The following SLC35F4 variants were observed in gnomAD, a reference collection of about 807,000 sequenced individuals.
SLC35F4 encodes chromosome 14 open reading frame 36.
A neutral mutation model predicts 44.2 loss-of-function variants in SLC35F4; 24 were observed. The ratio of observed to expected loss-of-function variants is 0.54; its 90% CI spans 0.39 to 0.76. The LOEUF is 0.76. Among genes scored for constraint, SLC35F4 ranks in the 30% least tolerant of loss-of-function variants. The pLI is 0.00. For missense variants in SLC35F4, 562 were observed against 586.1 expected (o/e 0.96, Z 0.42); for synonymous variants, 238 against 223.6 (o/e 1.06, Z -0.57).
intron 7 of SLC35F4, among the ~76,000 whole-genome samples, chr14:57,564,759 T>C (rs2139650153): frequency 6.6e-6 from 1 of 152,362 alleles, no homozygotes; most frequent in African/African-American, 2.4e-5. Flanking sequence ...GAAATTCATG[T>C]AATATAAAAT....
At chr14:57,647,851 G>A (rs143347736) in intron 1 of SLC35F4, among the ~76,000 whole-genome samples, 382 of 152,102 alleles carry the variant, frequency 2.5e-3, no homozygotes, top group African/African-American at 8.6e-3. Context: ...GATCACCCCG[G>A]CCTGTCCTCA....
intron 1 of SLC35F4, among the ~76,000 whole-genome samples, chr14:57,933,610 C>T (rs1207420729): frequency 6.6e-6 from 1 of 152,184 alleles, no homozygotes; most frequent in East Asian, 1.9e-4. Context: ...CAGAAGAATC[C>T]TTTCAGCTCT....
chr14:57,910,107 G>GT (rs1486531848), intron 1 of SLC35F4, among the ~76,000 whole-genome samples: 1 of 151,946 alleles, frequency 6.6e-6, no homozygotes. Flanking sequence ...CTTTGGTGAG[G>GT]TATCTGTTCA....
chr14:57,956,808 T>A (rs898704366), intron 1 of SLC35F4, among the ~76,000 whole-genome samples: 1 of 152,172 alleles, frequency 6.6e-6, no homozygotes, highest in African/African-American at 2.4e-5. Context: ...CTGGAGAGGA[T>A]GTGGAGAAAT....
intron 1 of SLC35F4, among the ~76,000 whole-genome samples, chr14:57,662,395 A>G (rs2074166650): frequency 1.3e-5 from 2 of 152,148 alleles, no homozygotes; most frequent in South Asian, 4.1e-4. Flanking sequence ...CATTTAAGAA[A>G]TGGGGTCTTT....
At chr14:57,616,073 T>G (rs1703457) in intron 1 of SLC35F4, among the ~76,000 whole-genome samples, 4 of 152,062 alleles carry the variant, frequency 2.6e-5, no homozygotes, top group Admixed American at 2.6e-4. Flanking sequence ...TGTACATAAC[T>G]TAAAATTTAT....
At chr14:57,578,325 G>GTTTGTTTTTTTTTTTTT (rs2068957220) in intron 4 of SLC35F4, among the ~76,000 whole-genome samples, 2 of 43,116 alleles carry the variant, frequency 4.6e-5, no homozygotes, top group African/African-American at 1.6e-4. Flanking sequence ...CCCTTTAACT[G>GTTTGTTTTTTTTTTTTT]TTTTTTTTTT....
At chr14:57,977,495 T>C (rs1053565979) in intron 1 of SLC35F4, among the ~76,000 whole-genome samples, 2 of 152,146 alleles carry the variant, frequency 1.3e-5, no homozygotes, top group Non-Finnish European at 2.9e-5. Flanking sequence ...TGGGAACTGA[T>C]AGAAAGTGAT....
Position 57,579,795 on chromosome 14 carries a change from G to T in SLC35F4, c.807+1419C>A, listed in dbSNP as rs572439263. On this transcript the variant is annotated intron_variant, in intron 4 of 7. Coordinates refer to ENST00000556826, the MANE Select transcript of SLC35F4 (RefSeq NM_001306087.2). ...GGGGATGACTTATGTTGATATATAGGGCCTTGTGCTTGGAAGGTCCCCACC... is the reference window on the plus strand; with the variant it reads ...GGGGATGACTTATGTTGATATATAGTGCCTTGTGCTTGGAAGGTCCCCACC... Among the ~76,000 whole-genome samples, 4 of 152,246 alleles carry T rather than the reference G, an allele frequency of 2.6e-5. No homozygotes were observed. The South Asian group carries it at 8.3e-4, about 32-fold the overall frequency.
At chr14:57,859,704 C>T (rs1467366369) in intron 1 of SLC35F4, among the ~76,000 whole-genome samples, 1 of 151,976 alleles carries the variant, frequency 6.6e-6, no homozygotes, top group Admixed American at 6.6e-5. Flanking sequence ...TGAGGCTGGG[C>T]AAAAGATGCG....
At chr14:57,916,841 C>T (rs1889339072) in intron 1 of SLC35F4, among the ~76,000 whole-genome samples, 1 of 152,124 alleles carries the variant, frequency 6.6e-6, no homozygotes, top group African/African-American at 2.4e-5. Context: ...TATTTTAAAA[C>T]CTTTTTTAAA....
intron 1 of SLC35F4, among the ~76,000 whole-genome samples, chr14:57,958,928 G>C (rs1890293728): frequency 6.6e-6 from 1 of 152,176 alleles, no homozygotes; most frequent in African/African-American, 2.4e-5. Context: ...CCTTCCAAAT[G>C]CTCTGGAGGA....
chr14:57,716,127 C>T (rs533185481), intron 1 of SLC35F4, among the ~76,000 whole-genome samples: 6 of 152,176 alleles, frequency 3.9e-5, no homozygotes, highest in South Asian at 4.2e-4. Context: ...TGTGTGCGTG[C>T]GGGTTTTCAT....
intron 1 of SLC35F4, among the ~76,000 whole-genome samples, chr14:57,709,484 A>G (rs989226714): frequency 1.3e-5 from 2 of 152,124 alleles, no homozygotes; most frequent in African/African-American, 4.8e-5. Context: ...ATGATTAATG[A>G]TATTCATATA....
chr14:57,943,141 G>A (rs781459854), intron 1 of SLC35F4, among the ~76,000 whole-genome samples: 13 of 152,296 alleles, frequency 8.5e-5, no homozygotes, highest in Admixed American at 7.2e-4. Context: ...GATCTGGGCC[G>A]TATTACTGTA....
At chr14:57,899,344 CA>C (rs1183637371) in intron 1 of SLC35F4, among the ~76,000 whole-genome samples, 1 of 152,106 alleles carries the variant, frequency 6.6e-6, no homozygotes, top group Non-Finnish European at 1.5e-5. Context: ...GAGGAAGCAA[CA>C]GGTCTAATCT....
intron 1 of SLC35F4, among the ~76,000 whole-genome samples, chr14:57,717,246 A>G (rs1347143322): frequency 1.3e-5 from 2 of 152,184 alleles, no homozygotes; most frequent in African/African-American, 2.4e-5. Flanking sequence ...ATGACATACT[A>G]GAGCATATGA....
chr14:57,587,750 A>G (rs2069859960), intron 3 of SLC35F4, among the ~76,000 whole-genome samples: 1 of 152,098 alleles, frequency 6.6e-6, no homozygotes, highest in African/African-American at 2.4e-5. Context: ...CTGCCCATGT[A>G]TCCCAGAACT....
chr14:57,623,772 A>AC (rs1443873620), intron 1 of SLC35F4, among the ~76,000 whole-genome samples: 1 of 152,204 alleles, frequency 6.6e-6, no homozygotes, highest in Non-Finnish European at 1.5e-5. Context: ...GTTACAATGT[A>AC]CCAGAATCTC....
Sources: allele counts gnomAD v4.1 joint callset (sites outside exome capture counted in the v4.1 genomes callset), GRCh38; gene constraint gnomAD v4.1.1; transcripts MANE v1.5; gene names NCBI Gene and HGNC (gene_info 2026-07-23, HGNC 2026-07-21).